The following GMDS variants were observed in gnomAD, a reference collection of about 807,000 sequenced individuals.
The protein encoded by GMDS is GDP-mannose 4,6-dehydratase.
A neutral mutation model predicts 49.9 loss-of-function variants in GMDS; 20 were observed. The ratio of observed to expected loss-of-function variants is 0.40; its 90% CI spans 0.28 to 0.58. The LOEUF is 0.58. Among genes scored for constraint, GMDS ranks in the 20% least tolerant of loss-of-function variants. The pLI is 0.42. For missense variants in GMDS, 362 were observed against 481.4 expected (o/e 0.75, Z 2.32); for synonymous variants, 177 against 178.6 (o/e 0.99, Z 0.07).
chr6:1,851,226 T>C (rs565056148), intron 7 of GMDS, among the ~76,000 whole-genome samples: 8 of 152,306 alleles, frequency 5.3e-5, no homozygotes, highest in Non-Finnish European at 8.8e-5. Context: ...AGAAAACTTG[T>C]ATGTTTGTCC....
intron 7 of GMDS, among the ~76,000 whole-genome samples, chr6:1,884,643 T>C (rs1346405653): frequency 3.9e-5 from 6 of 152,240 alleles, no homozygotes; most frequent in Non-Finnish European, 7.3e-5. Flanking sequence ...TTGGTTCACA[T>C]TAGTGTCATG....
chr6:2,225,791 C>T (rs1780787683), intron 1 of GMDS, among the ~76,000 whole-genome samples: 1 of 152,182 alleles, frequency 6.6e-6, no homozygotes, highest in Admixed American at 6.5e-5. Flanking sequence ...TCCATCTGGA[C>T]CATGACCTAC....
At chr6:2,051,477 T>C (rs1034506223) in intron 4 of GMDS, among the ~76,000 whole-genome samples, 2 of 152,234 alleles carry the variant, frequency 1.3e-5, no homozygotes, top group African/African-American at 4.8e-5. Flanking sequence ...TTAAACCATC[T>C]ATATATTCCG....
chr6:1,803,387 A>AT (rs58749196), intron 7 of GMDS, among the ~76,000 whole-genome samples: 20 of 149,832 alleles, frequency 1.3e-4, no homozygotes, highest in South Asian at 1.3e-3. Flanking sequence ...GAAAACCACA[A>AT]TTTTTTTTTT....
chr6:1,825,417 G>A (rs545023739), intron 7 of GMDS, among the ~76,000 whole-genome samples: 5 of 152,294 alleles, frequency 3.3e-5, no homozygotes, highest in Non-Finnish European at 5.9e-5. Flanking sequence ...GAGCTATGGT[G>A]AATAAATACT....
chr6:1,920,866 C>T lies in GMDS; in HGVS notation c.771+9237G>A, dbSNP rs577022041. On this transcript the variant is annotated intron_variant, in intron 7 of 10. Coordinates refer to ENST00000380815, the MANE Select transcript of GMDS (RefSeq NM_001500.4). ...GGTAAGTGTGAAAGTGAATAGCTAACCTAAGTGTGAACAGTTCTTTAGTGT... is the reference window on the plus strand; with the variant it reads ...GGTAAGTGTGAAAGTGAATAGCTAATCTAAGTGTGAACAGTTCTTTAGTGT... Among the ~76,000 whole-genome samples, 10 of 152,212 alleles carry T rather than the reference C, an allele frequency of 6.6e-5. No individual in the cohort carries two copies. The South Asian group carries it at 2.1e-3, about 32-fold the overall frequency.
chr6:1,645,704 T>C (rs1239247680), intron 9 of GMDS, among the ~76,000 whole-genome samples: 1 of 152,218 alleles, frequency 6.6e-6, no homozygotes. Context: ...AGCCTTTGCC[T>C]TTCTCCTGGA....
chr6:1,881,895 CA>C (rs1674716368), intron 7 of GMDS, among the ~76,000 whole-genome samples: 2 of 152,298 alleles, frequency 1.3e-5, no homozygotes, highest in South Asian at 4.2e-4. Flanking sequence ...AGGAGGCAGA[CA>C]AAACCTTCCA....
chr6:2,088,538 C>A (rs1773140021), intron 4 of GMDS, among the ~76,000 whole-genome samples: 1 of 152,118 alleles, frequency 6.6e-6, no homozygotes, highest in African/African-American at 2.4e-5. Flanking sequence ...TTGGGTTGTA[C>A]AAAATAAATA....
intron 4 of GMDS, among the ~76,000 whole-genome samples, chr6:2,068,567 G>A (rs2127456277): frequency 6.6e-6 from 1 of 152,086 alleles, no homozygotes; most frequent in East Asian, 1.9e-4. Flanking sequence ...CTTCAGCAAA[G>A]TCTCAGGATA....
At chr6:1,892,830 T>C (rs1759936864) in intron 7 of GMDS, among the ~76,000 whole-genome samples, 1 of 152,224 alleles carries the variant, frequency 6.6e-6, no homozygotes, top group Non-Finnish European at 1.5e-5. Flanking sequence ...CTTGGCCTAC[T>C]GTGACTGGAC....
intron 7 of GMDS, among the ~76,000 whole-genome samples, chr6:1,905,032 G>C (rs956555994): frequency 2.0e-5 from 3 of 152,252 alleles, no homozygotes; most frequent in Non-Finnish European, 2.9e-5. Context: ...CATGGCCCAA[G>C]CAAGTAAGAA....
At chr6:2,056,353 C>T (rs532727385) in intron 4 of GMDS, among the ~76,000 whole-genome samples, 1 of 152,282 alleles carries the variant, frequency 6.6e-6, no homozygotes, top group African/African-American at 2.4e-5. Context: ...GGTTTCAGAG[C>T]TCTTGCTATT....
At chr6:2,102,346 A>T (rs1224166091) in intron 4 of GMDS, among the ~76,000 whole-genome samples, 2 of 152,192 alleles carry the variant, frequency 1.3e-5, no homozygotes, top group Non-Finnish European at 2.9e-5. Flanking sequence ...AAATATTGTC[A>T]AGGAAAATAA....
chr6:1,794,720 A>G (rs1383648610), intron 7 of GMDS, among the ~76,000 whole-genome samples: 1 of 152,222 alleles, frequency 6.6e-6, no homozygotes. Flanking sequence ...TTTCCTGACA[A>G]GACCTTTATA....
chr6:1,975,696 G>A (rs1764860619), intron 4 of GMDS, among the ~76,000 whole-genome samples: 1 of 152,160 alleles, frequency 6.6e-6, no homozygotes, highest in African/African-American at 2.4e-5. Flanking sequence ...GCTACCTAAA[G>A]GACTTGAAAA....
intron 6 of GMDS, among the ~76,000 whole-genome samples, chr6:1,945,374 C>G (rs1057096241): frequency 2.0e-5 from 3 of 152,086 alleles, no homozygotes; most frequent in African/African-American, 7.2e-5. Flanking sequence ...TGTGTGGCAA[C>G]AGGAGTGTGG....
rs182751959 is a variant in GMDS at position 1,942,779 on chromosome 6, C to G, written c.644-12549G>C. Among the ~76,000 whole-genome samples the G allele has an allele frequency of 1.8e-3, 269 of 152,322 alleles. 1 individual carries two copies. Among genetic ancestry groups the G allele is most frequent in the African/African-American group, 6.2e-3 (259 of 41,580 alleles). ...TGCCATTCCCATACTTGGGTAACAC[C>G]CATACAGCGCTATCTTCAATTATTT... is the stretch of plus-strand genomic sequence containing the variant. On this transcript the variant is annotated intron_variant, in intron 6 of 10. Transcript: ENST00000380815.
Position 2,191,816 on chromosome 6 carries a change from C to A in GMDS, c.102+53505G>T, listed in dbSNP as rs142934718. Among the ~76,000 whole-genome samples the A allele has an allele frequency of 7.9e-5, 12 of 152,278 alleles. No homozygotes were observed. Among genetic ancestry groups the A allele is most frequent in the African/African-American group, 2.9e-4 (12 of 41,546 alleles). On this transcript the variant is annotated intron_variant, in intron 1 of 10. Transcript: ENST00000380815. The surrounding 1 kb of genome is among the most constrained non-coding windows in gnomAD (Gnocchi z 4.6). Reference sequence around the variant, plus strand: ...GACCATGGCAGGAAGCAGACAGGCTCCGGGGTGGAAGGGGGTAGGTCCCTG... The same window carrying A: ...GACCATGGCAGGAAGCAGACAGGCTACGGGGTGGAAGGGGGTAGGTCCCTG...
Sources: gnomAD v4.1 joint callset for allele counts (sites outside exome capture counted in the v4.1 genomes callset) on GRCh38, gnomAD v4.1.1 for gene constraint, Gnocchi (gnomAD v3.1) non-coding constraint, MANE v1.5 for transcripts, NCBI Gene and HGNC (gene_info 2026-07-23, HGNC 2026-07-21) for gene names.